The following BMPR1B variants were observed in gnomAD, a reference collection of about 807,000 sequenced individuals.
The protein encoded by BMPR1B is bone morphogenetic protein receptor type 1B.
In BMPR1B, 12 loss-of-function variants were observed where a neutral mutation model predicts 59.1. The observed-to-expected ratio is 0.20, with a 90% CI of 0.13 to 0.33. The LOEUF (loss-of-function observed/expected upper bound fraction) is 0.33, where lower values mean the gene tolerates loss of function less well. Among genes scored for constraint, BMPR1B ranks in the 10% least tolerant of loss-of-function variants. BMPR1B has a pLI of 1.00. For missense variants in BMPR1B, 550 were observed against 610.9 expected (o/e 0.90, Z 1.05); for synonymous variants, 237 against 207.3 (o/e 1.14, Z -1.23).
intron 2 of BMPR1B, among the ~76,000 whole-genome samples, chr4:94,899,353 C>CT (rs994719106): frequency 2.8e-5 from 4 of 141,642 alleles, no homozygotes; most frequent in Non-Finnish European, 4.6e-5. Context: ...GCCACTACAA[C>CT]TTTTCAGGCC....
rs890530614 is a variant in BMPR1B at position 94,865,969 on chromosome 4, C to T, written c.-182-9862C>T. ...TAGAGTATACTACTTACTGAGTACC[C>T]CCCAAGACAAACAAACAAGTACATG... On this transcript the variant is annotated intron_variant, in intron 1 of 12. Transcript: ENST00000515059. Among the ~76,000 whole-genome samples the T allele has an allele frequency of 2.6e-5, 4 of 151,994 alleles. No homozygotes were observed. The South Asian group carries it at 6.2e-4, about 24-fold the overall frequency.
At chr4:95,041,917 C>A (rs1231783386) in intron 3 of BMPR1B, among the ~76,000 whole-genome samples, 1 of 151,784 alleles carries the variant, frequency 6.6e-6, no homozygotes, top group Non-Finnish European at 1.5e-5. Context: ...TGCAGTGGTG[C>A]GATCTCAATT....
At chr4:95,032,983 A>G (rs1452102307) in intron 3 of BMPR1B, among the ~76,000 whole-genome samples, 1 of 152,080 alleles carries the variant, frequency 6.6e-6, no homozygotes, top group Non-Finnish European at 1.5e-5. Context: ...TCTTACCAAC[A>G]CTTGTTATTT....
Position 94,836,705 on chromosome 4 carries a change from G to T in BMPR1B, c.-182-39126G>T, listed in dbSNP as rs1260485793. On this transcript the variant is annotated intron_variant, in intron 1 of 12. Transcript: ENST00000515059. ...TGCGAAGATTTTCTCCCATTTTGTAGGTTGCCTGTTCACTCTGATGGTAGT... is the reference window on the plus strand; with the variant it reads ...TGCGAAGATTTTCTCCCATTTTGTATGTTGCCTGTTCACTCTGATGGTAGT... Among the ~76,000 whole-genome samples the T allele has an allele frequency of 2.0e-5, 3 of 146,700 alleles. 1 individual carries two copies. The highest frequency in any genetic ancestry group is 1.5e-5 in the Non-Finnish European group (1 of 66,040).
At chr4:94,803,910 G>T (rs1200411651) in intron 1 of BMPR1B, among the ~76,000 whole-genome samples, 1 of 152,020 alleles carries the variant, frequency 6.6e-6, no homozygotes, top group Non-Finnish European at 1.5e-5. Flanking sequence ...ATAGAGTCTT[G>T]CTCTGTTGCC....
At chr4:95,004,295 T>G (rs964297202) in intron 3 of BMPR1B, among the ~76,000 whole-genome samples, 1 of 152,218 alleles carries the variant, frequency 6.6e-6, no homozygotes, top group African/African-American at 2.4e-5. Flanking sequence ...CCTCCTTGAA[T>G]CACTCTGCCC....
At chr4:94,974,272 A>G (rs950936253) in intron 2 of BMPR1B, among the ~76,000 whole-genome samples, 5 of 152,108 alleles carry the variant, frequency 3.3e-5, no homozygotes, top group African/African-American at 9.7e-5. Flanking sequence ...ACTTTCTTCT[A>G]TTTCTAAAAA....
intron 3 of BMPR1B, among the ~76,000 whole-genome samples, chr4:95,080,166 C>A (rs111915849): frequency 1.3e-5 from 2 of 152,238 alleles, no homozygotes; most frequent in South Asian, 4.2e-4. Flanking sequence ...ATACTCACTC[C>A]GTTCTCTTCC....
intron 3 of BMPR1B, among the ~76,000 whole-genome samples, chr4:95,076,393 T>G (rs992525688): frequency 6.6e-6 from 1 of 152,116 alleles, no homozygotes. Context: ...TTAAATGTCT[T>G]TCTTCAAAAA....
chr4:94,892,871 C>T (rs1417457613), intron 2 of BMPR1B, among the ~76,000 whole-genome samples: 1 of 152,022 alleles, frequency 6.6e-6, no homozygotes, highest in Non-Finnish European at 1.5e-5. Flanking sequence ...TGTGAATGTA[C>T]TATTTCCTGA....
At chr4:94,948,179 G>T (rs1729790668) in intron 2 of BMPR1B, among the ~76,000 whole-genome samples, 1 of 152,132 alleles carries the variant, frequency 6.6e-6, no homozygotes, top group Non-Finnish European at 1.5e-5. Flanking sequence ...ATCGTGACAG[G>T]TACTTGCCTT....
At chr4:95,055,352 A>G (rs1213524214) in intron 3 of BMPR1B, among the ~76,000 whole-genome samples, 2 of 152,196 alleles carry the variant, frequency 1.3e-5, no homozygotes, top group Non-Finnish European at 1.5e-5. Context: ...ATGGCTGTGA[A>G]TAGGTAGTTT....
chr4:94,871,092 T>A (rs1349824328), intron 1 of BMPR1B, among the ~76,000 whole-genome samples: 1 of 152,128 alleles, frequency 6.6e-6, no homozygotes, highest in East Asian at 1.9e-4. Flanking sequence ...ATTATCCCAA[T>A]TTTACAGATG....
chr4:94,865,368 CACAA>C (rs1172193846), intron 1 of BMPR1B, among the ~76,000 whole-genome samples: 3 of 151,224 alleles, frequency 2.0e-5, no homozygotes, highest in African/African-American at 7.3e-5. Context: ...TAGTTCTAAA[CACAA>C]ACCTGTTCAT....
chr4:94,798,468 A>G (rs898845784), intron 1 of BMPR1B, among the ~76,000 whole-genome samples: 1 of 152,228 alleles, frequency 6.6e-6, no homozygotes, highest in Non-Finnish European at 1.5e-5. Context: ...ACAGTTCTCC[A>G]GTTAACTGAG....
At chr4:95,054,242 A>G (rs944088531) in intron 3 of BMPR1B, among the ~76,000 whole-genome samples, 12 of 152,192 alleles carry the variant, frequency 7.9e-5, no homozygotes, top group Admixed American at 7.9e-4. Flanking sequence ...CTGCAAAGTC[A>G]CAATAAGTGG....
At chr4:95,095,837 T>C (rs892761102) in intron 3 of BMPR1B, among the ~76,000 whole-genome samples, 3 of 151,938 alleles carry the variant, frequency 2.0e-5, no homozygotes, top group Non-Finnish European at 2.9e-5. Flanking sequence ...CTTTTGACTA[T>C]GACATAAAAC....
intron 2 of BMPR1B, among the ~76,000 whole-genome samples, chr4:94,995,561 T>A (rs1380159488): frequency 1.3e-5 from 2 of 152,206 alleles, no homozygotes; most frequent in African/African-American, 4.8e-5. Flanking sequence ...GGTTTGAGAT[T>A]GTGTTGTTTG....
At chr4:95,106,338 G>A (rs1240093943) in intron 4 of BMPR1B, among the ~76,000 whole-genome samples, 1 of 151,976 alleles carries the variant, frequency 6.6e-6, no homozygotes. Context: ...AATATTGGAT[G>A]TATTAGAAGG....
Sources: allele counts gnomAD v4.1 joint callset (sites outside exome capture counted in the v4.1 genomes callset), GRCh38; gene constraint gnomAD v4.1.1; transcripts MANE v1.5; gene names NCBI Gene and HGNC (gene_info 2026-07-23, HGNC 2026-07-21).